Variants in MAF observed in about 807,000 individuals in gnomAD.
The protein encoded by MAF is transcription factor Maf.
A neutral mutation model predicts 22.0 loss-of-function variants in MAF; 10 were observed. The ratio of observed to expected loss-of-function variants is 0.45; its 90% CI spans 0.28 to 0.77. The LOEUF (loss-of-function observed/expected upper bound fraction) is 0.77. Ranked by LOEUF, MAF falls within the 30% of genes least tolerant of loss-of-function variation. MAF has a pLI of 0.12. For missense variants in MAF, 544 were observed against 548.4 expected (o/e 0.99, Z 0.08); for synonymous variants, 337 against 255.8 (o/e 1.32, Z -3.03).
chr16:79,287,386 A>T, the MAF span, among the ~76,000 whole-genome samples: 1 of 152,086 alleles, frequency 6.6e-6, no homozygotes, highest in Non-Finnish European at 1.5e-5. Context: ...CTTCCCGGTG[A>T]GGCGGGGGCT....
the MAF span, among the ~76,000 whole-genome samples, chr16:79,422,653 A>T: frequency 6.6e-6 from 1 of 152,154 alleles, no homozygotes; most frequent in African/African-American, 2.4e-5. Context: ...TCATATCCCC[A>T]TTCCTTTGGG....
chr16:79,518,253 C>G, the MAF span, among the ~76,000 whole-genome samples: 1 of 152,200 alleles, frequency 6.6e-6, no homozygotes, highest in Non-Finnish European at 1.5e-5. Context: ...AACCTAGAAC[C>G]TGTGCCAGTG....
chr16:79,546,742 A>G, the MAF span, among the ~76,000 whole-genome samples: 1 of 152,144 alleles, frequency 6.6e-6, no homozygotes, highest in Non-Finnish European at 1.5e-5. Context: ...AATGGGAAAA[A>G]TAAGAGCCCC....
chr16:79,589,339 C>T (rs1750215473), downstream of MAF, among the ~76,000 whole-genome samples: 1 of 152,172 alleles, frequency 6.6e-6, no homozygotes, highest in African/African-American at 2.4e-5. Flanking sequence ...GTTTGCTTGA[C>T]TGACTTTGTT....
the MAF span, among the ~76,000 whole-genome samples, chr16:79,506,921 C>A: frequency 5.9e-5 from 9 of 152,114 alleles, no homozygotes. Context: ...AAAGAAATGC[C>A]AGCACTGGAC....
At chr16:79,518,849 C>G in the MAF span, among the ~76,000 whole-genome samples, 1 of 152,130 alleles carries the variant, frequency 6.6e-6, no homozygotes, top group Non-Finnish European at 1.5e-5. Context: ...TGCTTGAACC[C>G]AGGAGGCGGA....
chr16:79,314,121 G>C, the MAF span, among the ~76,000 whole-genome samples: 1 of 152,104 alleles, frequency 6.6e-6, no homozygotes, highest in South Asian at 2.1e-4. Context: ...TGTGATTTCC[G>C]TGTGGCCCTT....
At chr16:79,265,773 T>C in the MAF span, among the ~76,000 whole-genome samples, 1 of 152,186 alleles carries the variant, frequency 6.6e-6, no homozygotes, top group East Asian at 1.9e-4. Flanking sequence ...AGGAAGCACT[T>C]TACAGCTTCT....
the MAF span, among the ~76,000 whole-genome samples, chr16:79,458,405 T>C: frequency 6.6e-6 from 1 of 152,182 alleles, no homozygotes; most frequent in African/African-American, 2.4e-5. Context: ...CATGTGGCCC[T>C]CAGAGACAGA....
the MAF span, among the ~76,000 whole-genome samples, chr16:79,550,629 G>A: frequency 6.6e-6 from 1 of 152,142 alleles, no homozygotes; most frequent in East Asian, 1.9e-4. Flanking sequence ...CCTCATGCTT[G>A]TAAGGAGGTA....
At chr16:79,582,658 CA>C (rs543423634), downstream of MAF, among the ~76,000 whole-genome samples, 59 of 151,976 alleles carry the variant, frequency 3.9e-4, no homozygotes, top group South Asian at 0.011. Context: ...GCAACAATAA[CA>C]AAAAAACAAT....
At chr16:79,521,942 A>G in the MAF span, among the ~76,000 whole-genome samples, 1 of 152,244 alleles carries the variant, frequency 6.6e-6, no homozygotes, top group Non-Finnish European at 1.5e-5. Flanking sequence ...AATAATATGT[A>G]GTCCCTGCCT....
chr16:79,328,290 T>TAA, the MAF span, among the ~76,000 whole-genome samples: 1 of 151,680 alleles, frequency 6.6e-6, no homozygotes, highest in Non-Finnish European at 1.5e-5. Context: ...CCTTTTTTTT[T>TAA]AAAAAAAGAA....
chr16:79,443,204 G>A, the MAF span, among the ~76,000 whole-genome samples: 1 of 152,172 alleles, frequency 6.6e-6, no homozygotes. Flanking sequence ...CCCTGAAGCT[G>A]TCACTTTGCT....
chr16:79,597,496 A>T (rs1345092117), intron 1 of MAF: 3 of 1,024,960 alleles, frequency 2.9e-6, no homozygotes, highest in East Asian at 6.4e-5. Flanking sequence ...AAAAGAAAAC[A>T]TTAAGAGTTC....
the MAF span, among the ~76,000 whole-genome samples, chr16:79,502,689 AAAT>A: frequency 9.5e-4 from 16 of 16,832 alleles, no homozygotes; most frequent in African/African-American, 2.9e-3. Context: ...ATATAAATAT[AAAT>A]ATAAATATAA....
At chr16:79,325,959 T>C in the MAF span, among the ~76,000 whole-genome samples, 1 of 152,152 alleles carries the variant, frequency 6.6e-6, no homozygotes, top group Non-Finnish European at 1.5e-5. Flanking sequence ...CTCCATAACA[T>C]TGAACAAGGA....
the MAF span, among the ~76,000 whole-genome samples, chr16:79,537,737 C>A: frequency 9.3e-4 from 141 of 152,264 alleles, 1 homozygote; most frequent in African/African-American, 3.2e-3. Flanking sequence ...AATTCAAACC[C>A]AGGGGCCCTG....
At chr16:79,237,032 T>G in the MAF span, among the ~76,000 whole-genome samples, 1 of 151,976 alleles carries the variant, frequency 6.6e-6, no homozygotes, top group Non-Finnish European at 1.5e-5. Flanking sequence ...ACCCAATAGC[T>G]GCATATACTT....
Sources: gnomAD v4.1 joint callset for allele counts (sites outside exome capture counted in the v4.1 genomes callset) on GRCh38, gnomAD v4.1.1 for gene constraint, MANE v1.5 for transcripts, NCBI Gene and HGNC (gene_info 2026-07-23, HGNC 2026-07-21) for gene names.